Variants in ARHGAP32 observed in about 807,000 individuals in gnomAD.
ARHGAP32 encodes the protein Rho GTPase activating protein 32.
In ARHGAP32, 51 loss-of-function variants were observed where a neutral mutation model predicts 186.5. The observed-to-expected ratio is 0.27, with a 90% CI of 0.22 to 0.35. The LOEUF is 0.35. Among genes scored for constraint, ARHGAP32 ranks in the 10% least tolerant of loss-of-function variants. The pLI is 1.00. For synonymous variants in ARHGAP32, 950 were observed against 964.3 expected (o/e 0.99, Z 0.27); for missense variants, 2,186 against 2,623.5 (o/e 0.83, Z 3.64).
intron 1 of ARHGAP32, among the ~76,000 whole-genome samples, chr11:129,270,043 T>TAA (rs1165224396): frequency 7.0e-6 from 1 of 143,290 alleles, no homozygotes. Flanking sequence ...ACTTACTTAT[T>TAA]AAAAAAAAAA....
intron 2 of ARHGAP32, among the ~76,000 whole-genome samples, chr11:129,150,899 G>C (rs1284364067): frequency 6.6e-6 from 1 of 150,902 alleles, no homozygotes; most frequent in African/African-American, 2.4e-5. Context: ...TGGCCTAAAT[G>C]CTCACTTAAA....
chr11:129,013,872 G>A (rs938111184), intron 11 of ARHGAP32, among the ~76,000 whole-genome samples: 1 of 152,108 alleles, frequency 6.6e-6, no homozygotes, highest in African/African-American at 2.4e-5. Context: ...AATTCTATCA[G>A]AAGATTTCTA....
chr11:129,029,819 A>AAAC (rs1939032611), intron 11 of ARHGAP32, among the ~76,000 whole-genome samples: 1 of 150,680 alleles, frequency 6.6e-6, no homozygotes, highest in East Asian at 1.9e-4. Context: ...AAAAAAAAAA[A>AAAC]AAAAAAACGG....
In ARHGAP32 at chr11:129,039,204, T is replaced by G. The variant is rs7927353; in HGVS notation, c.1045+1724A>C. On this transcript the variant is annotated intron_variant, in intron 11 of 22. Transcript: ENST00000682385. ...CTGGCAGTTCTTCAAAGATTAAATA[T>G]AGTTACCATATGACCCAGCAATCCC... Among the ~76,000 whole-genome samples, 1,087 of 152,248 alleles carry G rather than the reference T, an allele frequency of 7.1e-3. 18 individuals are homozygous for G. The highest frequency in any genetic ancestry group is 0.025 in the African/African-American group (1,053 of 41,544).
chr11:128,999,614 GA>G (rs1946299467), intron 11 of ARHGAP32, among the ~76,000 whole-genome samples: 1 of 152,110 alleles, frequency 6.6e-6, no homozygotes, highest in South Asian at 2.1e-4. Flanking sequence ...GCCGACATGT[GA>G]TGTCTCCCCC....
chr11:129,098,620 T>G (rs1941803634), intron 5 of ARHGAP32, among the ~76,000 whole-genome samples: 1 of 151,924 alleles, frequency 6.6e-6, no homozygotes, highest in African/African-American at 2.4e-5. Context: ...GGGGTTTCAC[T>G]GTGTTAGCCA....
rs190312839 is a variant in ARHGAP32, at chr11:129,114,419, A to C, written c.444+9027T>G. ...CATTTATAACATTGTTTTTCTCTTA[A>C]ACTTATTGGTATATTACTTGTTTTC... is the stretch of plus-strand genomic sequence containing the variant. On this transcript the variant is annotated intron_variant, in intron 5 of 22. Coordinates refer to ENST00000682385, the MANE Select transcript of ARHGAP32 (RefSeq NM_001378024.1). Among the ~76,000 whole-genome samples the C allele has an allele frequency of 3.9e-3, 594 of 152,170 alleles. 2 individuals are homozygous for C. Among genetic ancestry groups the C allele is most frequent in the African/African-American group, 0.014 (568 of 41,548 alleles).
intron 5 of ARHGAP32, among the ~76,000 whole-genome samples, chr11:129,107,868 CAAAA>C (rs71057924): frequency 8.6e-5 from 8 of 93,406 alleles, no homozygotes; most frequent in Non-Finnish European, 1.2e-4. Context: ...AACTATGTTT[CAAAA>C]AAAAAAAAAA....
intron 1 of ARHGAP32, among the ~76,000 whole-genome samples, chr11:129,183,725 C>T (rs1944101404): frequency 6.6e-6 from 1 of 152,056 alleles, no homozygotes; most frequent in Admixed American, 6.6e-5. Context: ...CCCCACCTGC[C>T]AGCTGAAGAA....
At chr11:129,253,141 T>C (rs1002995047) in intron 1 of ARHGAP32, among the ~76,000 whole-genome samples, 2 of 152,162 alleles carry the variant, frequency 1.3e-5, no homozygotes, top group African/African-American at 2.4e-5. Context: ...AGCTGAGATA[T>C]GTTTTGGGGG....
At chr11:129,182,058 T>C (rs780916352) in intron 1 of ARHGAP32, among the ~76,000 whole-genome samples, 1 of 152,188 alleles carries the variant, frequency 6.6e-6, no homozygotes, top group Non-Finnish European at 1.5e-5. Context: ...TGTTTTCCTC[T>C]AACTTTTCCT....
At chr11:129,073,343 TTAAGGAAA>T (rs1940930451) in intron 6 of ARHGAP32, among the ~76,000 whole-genome samples, 1 of 152,026 alleles carries the variant, frequency 6.6e-6, no homozygotes, top group South Asian at 2.1e-4. Context: ...GCTAAAAGCT[TTAAGGAAA>T]AAGTAGACAA....
At chr11:129,209,860 T>C (rs943669251) in intron 1 of ARHGAP32, among the ~76,000 whole-genome samples, 5 of 152,206 alleles carry the variant, frequency 3.3e-5, no homozygotes, top group Admixed American at 1.3e-4. Flanking sequence ...AAGTTTTGTA[T>C]GTAACTCTAA....
intron 2 of ARHGAP32, among the ~76,000 whole-genome samples, chr11:129,147,951 C>T (rs144615445): frequency 4.6e-5 from 7 of 152,174 alleles, no homozygotes; most frequent in Non-Finnish European, 1.0e-4. Context: ...TAGATTAATA[C>T]AATAAGGAAA....
rs748750310 is a variant in ARHGAP32, at chr11:128,969,030, C to G, written c.6183G>C (p.Thr2061=). The part of the protein sequence containing the change: ...RGVFGGGGMG[T]YVPPGFPHPQ... ...GATGGGGAAAGCCAGGGGGCACATA[C>G]GTCCCCATGCCGCCCCCTCCAAAGA... The change falls in exon 23 of 23, where the codon ACG becomes ACC. Residue 2061 remains threonine, a synonymous_variant. Transcript: ENST00000682385. The surrounding 1 kb of genome is among the most constrained non-coding windows in gnomAD (Gnocchi z 4.8). 1.9e-6 allele frequency: 3 copies of G among 1,611,814 alleles called. No homozygotes were observed. The highest frequency in any genetic ancestry group is 3.4e-4 in the Middle Eastern group (2 of 5,878).
chr11:129,035,709 C>T (rs1432537340), intron 11 of ARHGAP32, among the ~76,000 whole-genome samples: 3 of 151,878 alleles, frequency 2.0e-5, no homozygotes, highest in South Asian at 2.1e-4. Context: ...CAGGTCGTGG[C>T]GGCATGTGTC....
chr11:129,163,518 C>T (rs1009907185), intron 2 of ARHGAP32, among the ~76,000 whole-genome samples: 5 of 152,050 alleles, frequency 3.3e-5, no homozygotes, highest in Admixed American at 3.3e-4. Flanking sequence ...AACTTGAAGC[C>T]ATTCTTAATA....
At chr11:129,131,426 T>C (rs1331832890) in intron 2 of ARHGAP32, among the ~76,000 whole-genome samples, 1 of 152,154 alleles carries the variant, frequency 6.6e-6, no homozygotes, top group Non-Finnish European at 1.5e-5. Flanking sequence ...TAATATTCCA[T>C]AGAACTGAAA....
chr11:129,259,707 T>C (rs1361232184), intron 1 of ARHGAP32, among the ~76,000 whole-genome samples: 1 of 152,160 alleles, frequency 6.6e-6, no homozygotes, highest in Non-Finnish European at 1.5e-5. Context: ...CCTACCAGCC[T>C]TGTCAATGCA....
Sources: gnomAD v4.1 joint callset for allele counts (sites outside exome capture counted in the v4.1 genomes callset) on GRCh38, gnomAD v4.1.1 for gene constraint, Gnocchi (gnomAD v3.1) non-coding constraint, MANE v1.5 for transcripts, NCBI Gene and HGNC (gene_info 2026-07-23, HGNC 2026-07-21) for gene names.